LUC7L: variants seen among roughly 807,000 people sequenced by gnomAD.
LUC7L encodes putative RNA-binding protein Luc7-like 1.
Under a neutral mutation model 51.1 loss-of-function variants are expected in LUC7L, and 29 were observed. The ratio of observed to expected loss-of-function variants is 0.57; its 90% CI spans 0.42 to 0.77. The LOEUF (loss-of-function observed/expected upper bound fraction) is 0.77, where lower values mean the gene tolerates loss of function less well. Among genes scored for constraint, LUC7L ranks in the 30% least tolerant of loss-of-function variants. LUC7L has a pLI of 0.00. For missense variants in LUC7L, 403 were observed against 511.9 expected, an observed-to-expected ratio of 0.79 and a Z score of 2.05; for synonymous variants, 181 against 180.7, an observed-to-expected ratio of 1.00 and a Z score of -0.01.
chr16:218,911 T>A (rs1227546102), intron 3 of LUC7L, among the ~76,000 whole-genome samples: 32 of 71,614 alleles, frequency 4.5e-4, no homozygotes, highest in African/African-American at 1.7e-3. Context: ...GGCAACATAG[T>A]AAAACCCTGT....
chr16:226,526 A>C (rs546203663), intron 2 of LUC7L, among the ~76,000 whole-genome samples: 2 of 152,352 alleles, frequency 1.3e-5, no homozygotes, highest in South Asian at 4.1e-4. Flanking sequence ...TATTCATTAG[A>C]TAGCATGTTG....
intron 6 of LUC7L, among the ~76,000 whole-genome samples, chr16:195,618 C>A (rs1261958908): frequency 6.6e-6 from 1 of 152,168 alleles, no homozygotes; most frequent in African/African-American, 2.4e-5. Flanking sequence ...GAGACAGGGT[C>A]TCCTTATGTT....
chr16:190,162 GAGA>G (rs2048975202), intron 8 of LUC7L, 27 bp from the exon 9 acceptor site: 1 of 1,595,982 alleles, frequency 6.3e-7, no homozygotes, highest in Non-Finnish European at 8.5e-7. Context: ...CTCCAAGGCT[GAGA>G]CTCTATAGGT....
intron 8 of LUC7L, 28 bp downstream of exon 8, chr16:190,513 G>C (rs1596587903): frequency 1.2e-6 from 2 of 1,610,780 alleles, no homozygotes. Context: ...AAAAATTTGA[G>C]AACATTTTAA....
chr16:222,871 C>T (rs959839701), intron 2 of LUC7L, among the ~76,000 whole-genome samples: 2 of 149,624 alleles, frequency 1.3e-5, no homozygotes, highest in African/African-American at 4.9e-5. Context: ...CTCAGGTGAT[C>T]CACCCACCTT....
chr16:228,049 G>C (rs1473823136), intron 1 of LUC7L: 1 of 1,137,430 alleles, frequency 8.8e-7, no homozygotes, highest in Non-Finnish European at 1.1e-6. Flanking sequence ...AAGTGTTAAA[G>C]GAAAAGTTTT....
At chr16:205,599 A>C (rs1471264821) in intron 5 of LUC7L, among the ~76,000 whole-genome samples, 2 of 151,804 alleles carry the variant, frequency 1.3e-5, no homozygotes, top group Admixed American at 6.6e-5. Flanking sequence ...AGCGTTTATA[A>C]ATTTTTTTGA....
intron 1 of LUC7L, chr16:227,946 G>A (rs1416386595): frequency 9.9e-7 from 1 of 1,011,678 alleles, no homozygotes; most frequent in Non-Finnish European, 1.2e-6. Flanking sequence ...AAAGGAACTA[G>A]GTTAGTCAAT....
intron 5 of LUC7L, among the ~76,000 whole-genome samples, chr16:201,442 C>CTT (rs779419613): frequency 3.5e-5 from 5 of 143,148 alleles, no homozygotes; most frequent in Admixed American, 7.1e-5. Flanking sequence ...ATTTACATAA[C>CTT]TTTTTTTTTT....
chr16:229,120 T>C, intron 1 of LUC7L, 159 bp downstream of exon 1: 1 of 1,408,964 alleles, frequency 7.1e-7, no homozygotes, highest in Non-Finnish European at 9.2e-7. Context: ...CGCACCGGCT[T>C]AGACAAAGGC....
chr16:219,802 T>G (rs1487042672), intron 3 of LUC7L, among the ~76,000 whole-genome samples: 2 of 150,520 alleles, frequency 1.3e-5, no homozygotes, highest in South Asian at 4.2e-4. Flanking sequence ...CTGGGAGGAG[T>G]AGGTTGCAGT....
rs2050134439 is a variant in LUC7L, at chr16:226,420, C to G, written c.156+822G>C. Among the ~76,000 whole-genome samples the G allele has an allele frequency of 2.0e-5, 3 of 152,178 alleles. No individual in the cohort carries two copies. In the South Asian group the frequency reaches 6.2e-4, roughly 32 times the overall value. The stretch of plus-strand genomic sequence containing the variant: ...CACAGATAACCTTCCACTATTCAGT[C>G]TTTTCAAATTCTTACTTCGAATAAA... On this transcript the variant is annotated intron_variant, in intron 2 of 9. Coordinates refer to ENST00000293872, the MANE Select transcript of LUC7L (RefSeq NM_201412.3).
Position 206,078 on chromosome 16 carries a change from C to T in LUC7L, c.436G>A (p.Glu146Lys). The change falls in exon 5 of 10, where the codon GAA becomes AAA. Residue 146 changes from glutamate to lysine, a missense_variant. By Grantham distance (56) the Glu-to-Lys change is moderately conservative. Around this residue, in one of 3 missense-constraint regions of LUC7L, gnomAD observed 182 missense variants for 248.4 expected, o/e 0.73. Coordinates refer to ENST00000293872, the MANE Select transcript of LUC7L (RefSeq NM_201412.3). The part of the protein sequence containing the change: ...LLAKAEQLGA[E>K]GNVDESQKIL... ...TTCTGGGATTCATCCACATTACCTT[C>T]AGCCCCTAGCTGTTCGGCTTTAGCA... is the stretch of plus-strand genomic sequence containing the variant. The T allele has an allele frequency of 4.3e-6, 7 of 1,613,806 alleles. No homozygotes were observed. Among genetic ancestry groups the T allele is most frequent in the Non-Finnish European group, 5.9e-6 (7 of 1,179,884 alleles).
rs2049719281 is a variant in LUC7L, at chr16:214,048, CTTTGT to C, written c.256-5865_256-5861del. On this transcript the variant is annotated intron_variant, in intron 3 of 9. Transcript: ENST00000293872. ...ATCGTTACAGCTTTATATTTTGTGT[CTTTGT>C]TTTGTGTTCTCATGAGCAATTGTTT... Among the ~76,000 whole-genome samples, 2 of 151,010 alleles carry C rather than the reference CTTTGT, an allele frequency of 1.3e-5. 1 individual carries two copies. Among genetic ancestry groups the C allele is most frequent in the South Asian group, 4.2e-4 (2 of 4,786 alleles).
chr16:189,593 A>G, intron 9 of LUC7L: 1 of 1,354,206 alleles, frequency 7.4e-7, no homozygotes, highest in Non-Finnish European at 9.5e-7. Flanking sequence ...AGAATACAAC[A>G]CTATATGCAC....
chr16:206,966 G>A (rs575945490), intron 4 of LUC7L, among the ~76,000 whole-genome samples: 75 of 148,658 alleles, frequency 5.0e-4, no homozygotes, highest in African/African-American at 1.7e-3. Context: ...TTGGGAAAAC[G>A]AGGCGGGCAG....
At position 206,151 on chromosome 16, in the gene LUC7L, T is replaced by C. The variant is rs145086061; in HGVS notation, c.367-4A>G. On this transcript the variant is annotated splice_region_variant and splice_polypyrimidine_tract_variant and intron_variant, in intron 4 of 9. Coordinates refer to ENST00000293872, the MANE Select transcript of LUC7L (RefSeq NM_201412.3). ...TTAACTCATGTACTTTTTCTGCCTG[T>C]GAGGAGAAAGAATGAGGTAAGCAGA... The C allele has an allele frequency of 8.9e-5, 143 of 1,611,978 alleles. No individual in the cohort carries two copies. The highest frequency in any genetic ancestry group is 3.5e-4 in the African/African-American group (26 of 74,916).
intron 1 of LUC7L, chr16:228,828 ACAGAAC>A (rs2050192398): frequency 1.5e-6 from 2 of 1,293,442 alleles, no homozygotes; most frequent in Non-Finnish European, 2.0e-6. Context: ...TTGCAATGGT[ACAGAAC>A]CAGAGCGGGC....
chr16:206,890 T>TAAAA (rs67775388), intron 4 of LUC7L, among the ~76,000 whole-genome samples: 32 of 99,542 alleles, frequency 3.2e-4, no homozygotes, highest in East Asian at 9.7e-4. Flanking sequence ...CCATCTTTAT[T>TAAAA]AAAAAAAAAA....
Sources: allele counts gnomAD v4.1 joint callset (sites outside exome capture counted in the v4.1 genomes callset), GRCh38; gene constraint gnomAD v4.1.1; regional missense constraint gnomAD v4.1.1; transcripts MANE v1.5; gene names NCBI Gene and HGNC (gene_info 2026-07-23, HGNC 2026-07-21).